The following PHACTR1 variants were observed in gnomAD, a reference collection of about 807,000 sequenced individuals.
PHACTR1 encodes the protein phosphatase and actin regulator 1, also known as RPEL repeat containing 1.
Under a neutral mutation model 69.2 loss-of-function variants are expected in PHACTR1, and 16 were observed. That is an observed-to-expected ratio of 0.23 (90% CI 0.16 to 0.35). PHACTR1 has a LOEUF of 0.35. Among genes scored for constraint, PHACTR1 ranks in the 10% least tolerant of loss-of-function variants. PHACTR1 has a pLI of 1.00. For synonymous variants in PHACTR1, 312 were observed against 284.5 expected (o/e 1.10, Z -0.97); for missense variants, 510 against 734.7 (o/e 0.69, Z 3.54).
At chr6:12,774,922 G>A (rs1302921255) in intron 4 of PHACTR1, among the ~76,000 whole-genome samples, 1 of 152,172 alleles carries the variant, frequency 6.6e-6, no homozygotes, top group Non-Finnish European at 1.5e-5. Context: ...TTCCTATGAA[G>A]TTCCTGAGTC....
chr6:12,889,655 A>C (rs1783971462), intron 4 of PHACTR1, among the ~76,000 whole-genome samples: 1 of 152,166 alleles, frequency 6.6e-6, no homozygotes, highest in South Asian at 2.1e-4. Context: ...TCATAGATTC[A>C]TTTAACAAAT....
chr6:13,104,925 A>G (rs1815841690), intron 5 of PHACTR1, among the ~76,000 whole-genome samples: 1 of 152,242 alleles, frequency 6.6e-6, no homozygotes, highest in Admixed American at 6.5e-5. Context: ...TGTTACTAGA[A>G]TATGATTTTG....
At chr6:12,847,254 A>G (rs1779377256) in intron 4 of PHACTR1, among the ~76,000 whole-genome samples, 1 of 152,206 alleles carries the variant, frequency 6.6e-6, no homozygotes, top group Non-Finnish European at 1.5e-5. Flanking sequence ...TAACACCAGC[A>G]TTATATATGT....
At chr6:12,933,095 C>G (rs548192674) in intron 4 of PHACTR1, among the ~76,000 whole-genome samples, 1 of 152,158 alleles carries the variant, frequency 6.6e-6, no homozygotes, top group South Asian at 2.1e-4. Flanking sequence ...GCCACCAAGC[C>G]CGGCTGATTT....
intron 4 of PHACTR1, among the ~76,000 whole-genome samples, chr6:12,822,322 C>A (rs1465247910): frequency 6.6e-6 from 1 of 152,156 alleles, no homozygotes; most frequent in Non-Finnish European, 1.5e-5. Context: ...ACAGGGAGAA[C>A]CTGTGTGACA....
intron 5 of PHACTR1, among the ~76,000 whole-genome samples, chr6:13,067,378 T>C (rs576472842): frequency 4.6e-5 from 7 of 152,322 alleles, no homozygotes; most frequent in South Asian, 4.1e-4. Flanking sequence ...AAATCGATAA[T>C]TCAGATGCTT....
At chr6:12,877,194 C>T (rs967350567) in intron 4 of PHACTR1, among the ~76,000 whole-genome samples, 2 of 152,190 alleles carry the variant, frequency 1.3e-5, no homozygotes, top group South Asian at 4.1e-4. Context: ...AATTAACCCT[C>T]ATGATAAGGT....
intron 4 of PHACTR1, among the ~76,000 whole-genome samples, chr6:13,025,208 T>C (rs373352510): frequency 1.3e-5 from 2 of 152,038 alleles, no homozygotes; most frequent in Admixed American, 6.6e-5. Flanking sequence ...TGAGCCAAGA[T>C]TGTGCCACTA....
chr6:12,719,788 T>C (rs948824271), intron 3 of PHACTR1, among the ~76,000 whole-genome samples: 1 of 152,202 alleles, frequency 6.6e-6, no homozygotes, highest in African/African-American at 2.4e-5. Flanking sequence ...CTTTCCCAAG[T>C]GGTCCTCTGA....
chr6:13,001,142 G>A (rs760375993), intron 4 of PHACTR1, among the ~76,000 whole-genome samples: 2 of 152,172 alleles, frequency 1.3e-5, no homozygotes, highest in African/African-American at 2.4e-5. Flanking sequence ...TGTCATGCAA[G>A]TAATGTTGTG....
chr6:13,067,670 C>T (rs772705627), intron 5 of PHACTR1, among the ~76,000 whole-genome samples: 5 of 152,122 alleles, frequency 3.3e-5, no homozygotes, highest in African/African-American at 4.8e-5. Context: ...TGGCATGAAA[C>T]AAACCTTCAG....
intron 5 of PHACTR1, among the ~76,000 whole-genome samples, chr6:13,070,594 C>T (rs4130157): frequency 0.81 from 122,636 of 152,098 alleles, 49,605 homozygotes; most frequent in East Asian, 0.93. Context: ...TACTTGGAAA[C>T]ATCACAGTTA....
intron 4 of PHACTR1, among the ~76,000 whole-genome samples, chr6:12,866,707 A>C (rs1254315364): frequency 6.6e-6 from 1 of 152,218 alleles, no homozygotes; most frequent in Non-Finnish European, 1.5e-5. Context: ...TTCCCTCTGC[A>C]AATAAAATAT....
intron 4 of PHACTR1, among the ~76,000 whole-genome samples, chr6:12,975,810 T>G (rs1794803189): frequency 6.6e-6 from 1 of 152,168 alleles, no homozygotes; most frequent in Non-Finnish European, 1.5e-5. Flanking sequence ...TGGTCTAATT[T>G]CTGGGCTCAA....
intron 10 of PHACTR1, among the ~76,000 whole-genome samples, chr6:13,242,225 G>C (rs2127376662): frequency 6.6e-6 from 1 of 152,256 alleles, no homozygotes; most frequent in South Asian, 2.1e-4. Flanking sequence ...TCAATAGCAA[G>C]GGAAGAGCAG....
chr6:13,158,129 A>C (rs1195403982), intron 5 of PHACTR1, among the ~76,000 whole-genome samples: 1 of 151,614 alleles, frequency 6.6e-6, no homozygotes, highest in African/African-American at 2.4e-5. Context: ...TGATCCACAC[A>C]CCTCGGCCTC....
intron 4 of PHACTR1, among the ~76,000 whole-genome samples, chr6:13,006,621 G>T (rs1798829520): frequency 6.6e-6 from 1 of 151,918 alleles, no homozygotes; most frequent in Non-Finnish European, 1.5e-5. Context: ...TAAATAAGGT[G>T]ATACATACAC....
intron 4 of PHACTR1, among the ~76,000 whole-genome samples, chr6:12,950,900 C>T (rs1474543491): frequency 1.3e-5 from 2 of 152,156 alleles, no homozygotes; most frequent in Admixed American, 6.5e-5. Context: ...TTACCTAGGC[C>T]TCTGAGTTCT....
intron 8 of PHACTR1, among the ~76,000 whole-genome samples, chr6:13,218,424 A>G (rs1768007794): frequency 6.6e-6 from 1 of 152,228 alleles, no homozygotes; most frequent in Non-Finnish European, 1.5e-5. Flanking sequence ...CTTGGCATTC[A>G]TTCCTGTATG....
Sources: allele counts gnomAD v4.1 joint callset (sites outside exome capture counted in the v4.1 genomes callset), GRCh38; gene constraint gnomAD v4.1.1; transcripts MANE v1.5; gene names NCBI Gene and HGNC (gene_info 2026-07-23, HGNC 2026-07-21).